Variants in SLCO6A1 observed in about 807,000 individuals in gnomAD.
The protein encoded by SLCO6A1 is solute carrier organic anion transporter family member 6A1.
In SLCO6A1, 65 loss-of-function variants were observed where a neutral mutation model predicts 72.7. The observed-to-expected ratio is 0.89, with a 90% confidence interval of 0.73 to 1.10. SLCO6A1 has a LOEUF of 1.10. SLCO6A1 is among the 50% of genes least tolerant of loss of function. The probability of loss-of-function intolerance (pLI) is 0.00; values close to 1 mark genes in which losing one functional copy is unlikely to be tolerated. For missense variants in SLCO6A1, 874 were observed against 872.6 expected, an observed-to-expected ratio of 1.00 and a Z score of -0.02; for synonymous variants, 314 against 298.2, an observed-to-expected ratio of 1.05 and a Z score of -0.55.
At chr5:102,481,193 ATTGCTGCTGCTGCTGCTG>A (rs1752173382) in intron 1 of SLCO6A1, among the ~76,000 whole-genome samples, 2 of 151,842 alleles carry the variant, frequency 1.3e-5, no homozygotes, top group Non-Finnish European at 2.9e-5. Context: ...TGCTGCTACT[ATTGCTGCTGCTGCTGCTG>A]TTAGAACTGC....
chr5:102,498,860 G>C lies in SLCO6A1; in HGVS notation c.-16C>G. The C allele has an allele frequency of 6.3e-7, 1 of 1,589,422 alleles. No homozygotes were observed. The highest frequency in any genetic ancestry group is 1.1e-5 in the South Asian group (1 of 89,858). ...CTACGAACATGGCTCACCCTGGGCGGCTCCTGGCGACGCGGCCCGAGTGCT... is the reference window on the plus strand; with the variant it reads ...CTACGAACATGGCTCACCCTGGGCGCCTCCTGGCGACGCGGCCCGAGTGCT... On this transcript the variant is annotated 5_prime_UTR_variant, in exon 1 of 14. Coordinates refer to ENST00000506729, the MANE Select transcript of SLCO6A1 (RefSeq NM_173488.5).
At chr5:102,486,323 G>A (rs1484351887) in intron 1 of SLCO6A1, among the ~76,000 whole-genome samples, 1 of 152,056 alleles carries the variant, frequency 6.6e-6, no homozygotes, top group African/African-American at 2.4e-5. Flanking sequence ...GTTTTGGAGG[G>A]ATGCATTTTA....
chr5:102,434,812 C>T (rs1749415386), intron 7 of SLCO6A1, among the ~76,000 whole-genome samples: 1 of 152,096 alleles, frequency 6.6e-6, no homozygotes, highest in Admixed American at 6.5e-5. Flanking sequence ...AAAACTATTA[C>T]TATTTTTTTT....
chr5:102,441,882 A>G (rs1749853221), intron 6 of SLCO6A1, among the ~76,000 whole-genome samples: 1 of 151,266 alleles, frequency 6.6e-6, no homozygotes, highest in East Asian at 1.9e-4. Context: ...TTTTTATTTT[A>G]CCTTTATTTT....
At chr5:102,477,958 A>G in intron 2 of SLCO6A1, 97 bp from the exon 3 acceptor site, 1 of 1,190,150 alleles carries the variant, frequency 8.4e-7, no homozygotes, top group East Asian at 2.4e-5. Flanking sequence ...GCTATTTCCA[A>G]AATTATGCTT....
At chr5:102,488,018 A>G (rs1275874164) in intron 1 of SLCO6A1, among the ~76,000 whole-genome samples, 1 of 152,228 alleles carries the variant, frequency 6.6e-6, no homozygotes, top group African/African-American at 2.4e-5. Flanking sequence ...AAAAAGGGAG[A>G]AAACTGCAAT....
At chr5:102,497,777 A>G (rs1457628833) in intron 1 of SLCO6A1, among the ~76,000 whole-genome samples, 2 of 152,210 alleles carry the variant, frequency 1.3e-5, no homozygotes, top group Non-Finnish European at 2.9e-5. Context: ...CTCTTTTCTG[A>G]AAAGATCCCC....
At chr5:102,431,348 A>G (rs185334424) in intron 7 of SLCO6A1, among the ~76,000 whole-genome samples, 4 of 151,766 alleles carry the variant, frequency 2.6e-5, no homozygotes, top group African/African-American at 9.7e-5. Context: ...TTGTGATGTT[A>G]GTTTTTAAAT....
intron 10 of SLCO6A1, among the ~76,000 whole-genome samples, chr5:102,399,255 C>A (rs1747265620): frequency 7.3e-6 from 1 of 136,064 alleles, no homozygotes; most frequent in East Asian, 2.0e-4. Flanking sequence ...ACATTATAAT[C>A]AAATCTGTTA....
At chr5:102,380,668 A>C (rs1746055249) in intron 12 of SLCO6A1, among the ~76,000 whole-genome samples, 1 of 152,178 alleles carries the variant, frequency 6.6e-6, no homozygotes, top group Non-Finnish European at 1.5e-5. Context: ...TATTCAATAA[A>C]GTAGCCACTA....
intron 1 of SLCO6A1, among the ~76,000 whole-genome samples, chr5:102,495,723 T>C (rs1752879945): frequency 6.6e-6 from 1 of 152,078 alleles, no homozygotes; most frequent in Non-Finnish European, 1.5e-5. Context: ...TGAATTTTAT[T>C]GTACATAAAT....
At position 102,372,755 on chromosome 5, in the gene SLCO6A1, G is replaced by C. The variant is rs868288733; in HGVS notation, c.*15+582C>G. On this transcript the variant is annotated intron_variant, in intron 13 of 13. Transcript: ENST00000506729. ...GTATATTGAATTTTATGTTTACTAA[G>C]ATTAACGAAACATCAAAATATTTAT... Among the ~76,000 whole-genome samples the C allele has an allele frequency of 6.0e-5, 9 of 151,050 alleles. 1 individual carries two copies. Among genetic ancestry groups the C allele is most frequent in the Middle Eastern group, 6.9e-3 (2 of 290 alleles).
chr5:102,493,404 A>T (rs1192366921), intron 1 of SLCO6A1, among the ~76,000 whole-genome samples: 1 of 152,196 alleles, frequency 6.6e-6, no homozygotes, highest in African/African-American at 2.4e-5. Flanking sequence ...CCTTATGAAC[A>T]TCTCAATAGA....
intron 1 of SLCO6A1, among the ~76,000 whole-genome samples, chr5:102,493,249 T>C (rs927840068): frequency 1.3e-5 from 2 of 152,142 alleles, no homozygotes; most frequent in African/African-American, 4.8e-5. Context: ...ACAAAAATTT[T>C]TAACAAAATT....
In SLCO6A1 at chr5:102,477,810, G is replaced by A; in HGVS notation, c.668C>T (p.Ser223Leu). The change falls in exon 3 of 14, where the codon TCA becomes TTA. Residue 223 changes from serine (S) to leucine (L), a missense_variant. Physicochemically the swap from Ser to Leu is moderately radical, Grantham distance 145. Coordinates refer to ENST00000506729, the MANE Select transcript of SLCO6A1 (RefSeq NM_173488.5). ...GAAAGACAGGTATTTTGATTGGAAT[G>A]ATATACCACTGCTCTGGCAACCACT... The part of the protein sequence containing the change: ...VVSGCQSSGI[S>L]FQSKYLSFFI... The A allele has an allele frequency of 6.2e-7, 1 of 1,613,492 alleles. No homozygotes were observed. Among genetic ancestry groups the A allele is most frequent in the East Asian group, 2.2e-5 (1 of 44,858 alleles).
intron 4 of SLCO6A1, among the ~76,000 whole-genome samples, chr5:102,474,012 C>T (rs1371898313): frequency 6.6e-6 from 1 of 151,376 alleles, no homozygotes; most frequent in Non-Finnish European, 1.5e-5. Context: ...TTTATACAAC[C>T]CAAAGTGAAA....
Position 102,453,337 on chromosome 5 carries a change from CAAAAA to C in SLCO6A1, c.1131+5040_1131+5044del, listed in dbSNP as rs34076015. On this transcript the variant is annotated intron_variant, in intron 6 of 13. Coordinates refer to ENST00000506729, the MANE Select transcript of SLCO6A1 (RefSeq NM_173488.5). ...TGGGTGACAGAGTGAGACCCTGCCT[CAAAAA>C]AAAAAAAAAAAGAAAGAAAGAAAGG... 7.4e-4 allele frequency among the ~76,000 whole-genome samples: 101 copies of C among 136,430 alleles called. 2 individuals carry two copies. Among genetic ancestry groups the C allele is most frequent in the Admixed American group, 6.4e-3 (86 of 13,360 alleles). The allele number at this position is 136,430 out of a possible 152,430, so 89.5% of individuals were successfully genotyped here. A position where few individuals can be genotyped will look rare whatever the true frequency, so the allele number is the denominator to read the frequency against.
chr5:102,495,153 T>C (rs934885045), intron 1 of SLCO6A1, among the ~76,000 whole-genome samples: 1 of 151,678 alleles, frequency 6.6e-6, no homozygotes, highest in Admixed American at 6.6e-5. Context: ...AACCAGAAAC[T>C]GTATGATTCC....
At chr5:102,429,382 C>G (rs1749086942) in intron 7 of SLCO6A1, among the ~76,000 whole-genome samples, 1 of 152,134 alleles carries the variant, frequency 6.6e-6, no homozygotes, top group Non-Finnish European at 1.5e-5. Flanking sequence ...TTTGCCAGTT[C>G]CTATGTGCAG....
Sources: allele counts gnomAD v4.1 joint callset (sites outside exome capture counted in the v4.1 genomes callset), GRCh38; gene constraint gnomAD v4.1.1; transcripts MANE v1.5; gene names NCBI Gene and HGNC (gene_info 2026-07-23, HGNC 2026-07-21).